The following CDK14 variants were observed in gnomAD, a reference collection of about 807,000 sequenced individuals.
CDK14 encodes the protein cyclin dependent kinase 14, also known as cyclin-dependent kinase 14.
A neutral mutation model predicts 60.7 loss-of-function variants in CDK14; 34 were observed. The observed-to-expected ratio is 0.56, with a 90% CI of 0.43 to 0.75. The LOEUF (loss-of-function observed/expected upper bound fraction) is 0.75, where lower values mean the gene tolerates loss of function less well. Ranked by LOEUF, CDK14 falls within the 30% of genes least tolerant of loss-of-function variation. CDK14 has a pLI of 0.00. For missense variants in CDK14, 482 were observed against 564.1 expected, an observed-to-expected ratio of 0.85 and a Z score of 1.47; for synonymous variants, 197 against 203.7, an observed-to-expected ratio of 0.97 and a Z score of 0.28.
chr7:91,025,783 T>A (rs902982076), intron 10 of CDK14, among the ~76,000 whole-genome samples: 3 of 152,234 alleles, frequency 2.0e-5, no homozygotes, highest in Non-Finnish European at 4.4e-5. Flanking sequence ...AGAGTAGCAG[T>A]GAAGGTTTTC....
chr7:90,983,327 A>G (rs1390039887), intron 9 of CDK14, among the ~76,000 whole-genome samples: 1 of 152,218 alleles, frequency 6.6e-6, no homozygotes, highest in South Asian at 2.1e-4. Flanking sequence ...ACAATGGACT[A>G]GAGAAAGAAA....
chr7:91,176,991 G>T (rs1220713212), intron 14 of CDK14, among the ~76,000 whole-genome samples: 1 of 151,602 alleles, frequency 6.6e-6, no homozygotes, highest in Non-Finnish European at 1.5e-5. Flanking sequence ...CCAAAGCCAG[G>T]CAGAGACACA....
chr7:90,990,999 G>A (rs1038666284), intron 10 of CDK14, among the ~76,000 whole-genome samples: 1 of 152,182 alleles, frequency 6.6e-6, no homozygotes, highest in African/African-American at 2.4e-5. Context: ...CATTTGAATA[G>A]CTTCCAGGAA....
At chr7:90,642,534 A>G (rs1326511679) in intron 2 of CDK14, among the ~76,000 whole-genome samples, 2 of 151,736 alleles carry the variant, frequency 1.3e-5, no homozygotes, top group Non-Finnish European at 2.9e-5. Flanking sequence ...GTTTTTTTTT[A>G]ATTAAATTTT....
intron 10 of CDK14, among the ~76,000 whole-genome samples, chr7:90,986,882 A>T (rs557667396): frequency 6.6e-6 from 1 of 152,100 alleles, no homozygotes; most frequent in Non-Finnish European, 1.5e-5. Context: ...TTGTCAAATT[A>T]CTGATTTATG....
intron 6 of CDK14, among the ~76,000 whole-genome samples, chr7:90,874,506 T>TG (rs1791484673): frequency 8.7e-5 from 1 of 11,514 alleles, no homozygotes; most frequent in South Asian, 3.5e-3. Context: ...TTTCATCCTT[T>TG]TTTTTTTTTT....
At chr7:91,170,075 T>A (rs1449147479) in intron 14 of CDK14, among the ~76,000 whole-genome samples, 1 of 152,228 alleles carries the variant, frequency 6.6e-6, no homozygotes, top group Non-Finnish European at 1.5e-5. Context: ...GCAGGTTAAC[T>A]GCTTGAGGTC....
chr7:91,079,533 A>G (rs1295012166), intron 12 of CDK14, 53 bp downstream of exon 12: 10 of 1,236,410 alleles, frequency 8.1e-6, no homozygotes, highest in Non-Finnish European at 1.1e-5. Context: ...TTTAATATTT[A>G]CAACTCTTCT....
At chr7:91,060,473 T>C (rs1367546058) in intron 11 of CDK14, among the ~76,000 whole-genome samples, 1 of 152,210 alleles carries the variant, frequency 6.6e-6, no homozygotes, top group Non-Finnish European at 1.5e-5. Flanking sequence ...TGCGCGTTAG[T>C]TGATGCAGTT....
intron 2 of CDK14, among the ~76,000 whole-genome samples, chr7:90,636,221 A>G (rs191805499): frequency 3.4e-4 from 51 of 152,202 alleles, no homozygotes; most frequent in Admixed American, 9.8e-4. Context: ...CCAGTTTTCA[A>G]ATGGAATGGT....
chr7:91,013,080 T>C (rs1441569322), intron 10 of CDK14, among the ~76,000 whole-genome samples: 3 of 152,204 alleles, frequency 2.0e-5, no homozygotes, highest in African/African-American at 7.2e-5. Flanking sequence ...CTACCTAACC[T>C]GATTGATCAA....
At chr7:91,060,044 G>A (rs57942151) in intron 11 of CDK14, among the ~76,000 whole-genome samples, 1 of 152,028 alleles carries the variant, frequency 6.6e-6, no homozygotes, top group Non-Finnish European at 1.5e-5. Flanking sequence ...GAGTCTAAGT[G>A]TCTTTGTAGG....
chr7:90,724,849 G>A (rs1170392799), intron 2 of CDK14, among the ~76,000 whole-genome samples: 7 of 151,656 alleles, frequency 4.6e-5, no homozygotes, highest in African/African-American at 7.3e-5. Flanking sequence ...TGATGTGGGT[G>A]GTTTCTTATT....
chr7:91,096,763 A>T (rs1444927583), intron 12 of CDK14, among the ~76,000 whole-genome samples: 1 of 152,124 alleles, frequency 6.6e-6, no homozygotes, highest in African/African-American at 2.4e-5. Context: ...AAATTTATTT[A>T]TTTCCATCTG....
intron 2 of CDK14, among the ~76,000 whole-genome samples, chr7:90,643,857 G>A (rs1800401714): frequency 1.3e-5 from 2 of 152,088 alleles, no homozygotes; most frequent in African/African-American, 4.8e-5. Context: ...TATTTTTTTA[G>A]CAATATAGTA....
At chr7:90,844,506 C>G (rs1790399007) in intron 5 of CDK14, among the ~76,000 whole-genome samples, 1 of 152,130 alleles carries the variant, frequency 6.6e-6, no homozygotes, top group South Asian at 2.1e-4. Context: ...GTCTCTTCTA[C>G]TCTGAAATGA....
chr7:90,853,149 A>T (rs764865570), intron 5 of CDK14, among the ~76,000 whole-genome samples: 92 of 152,078 alleles, frequency 6.0e-4, no homozygotes, highest in Middle Eastern at 3.4e-3. Context: ...AGCAAATCTT[A>T]CTCTTTCACA....
At chr7:90,961,182 C>T (rs1794593909) in intron 9 of CDK14, among the ~76,000 whole-genome samples, 4 of 152,208 alleles carry the variant, frequency 2.6e-5, no homozygotes, top group South Asian at 2.1e-4. Context: ...AACTCCAAAA[C>T]ACAAATACAG....
chr7:91,107,849 C>G (rs1443524303), intron 12 of CDK14: 1 of 152,150 alleles, frequency 6.6e-6, no homozygotes, highest in Non-Finnish European at 1.5e-5. Flanking sequence ...TAAGACAGGA[C>G]CCAGTTTATC....
Sources: allele counts gnomAD v4.1 joint callset (sites outside exome capture counted in the v4.1 genomes callset), GRCh38; gene constraint gnomAD v4.1.1; transcripts MANE v1.5; gene names NCBI Gene and HGNC (gene_info 2026-07-23, HGNC 2026-07-21).